GRB2: variants seen among roughly 807,000 people sequenced by gnomAD.
GRB2 encodes growth factor receptor bound protein 2.
Under a neutral mutation model 27.4 loss-of-function variants are expected in GRB2, and 2 were observed. The ratio of observed to expected loss-of-function variants is 0.07; its 90% CI spans 0.03 to 0.23. GRB2 has a LOEUF of 0.23. GRB2 is among the 10% of genes least tolerant of loss of function. The pLI is 1.00. For missense variants in GRB2, 102 were observed against 282.4 expected, an observed-to-expected ratio of 0.36 and a Z score of 4.58; for synonymous variants, 94 against 99.6, an observed-to-expected ratio of 0.94 and a Z score of 0.33.
intron 1 of GRB2, among the ~76,000 whole-genome samples, chr17:75,400,212 C>T (rs148481043): frequency 9.1e-4 from 139 of 152,162 alleles, no homozygotes; most frequent in Middle Eastern, 3.4e-3. Flanking sequence ...CTTGCTCTGT[C>T]ACCCAGGCTG....
intron 2 of GRB2, among the ~76,000 whole-genome samples, chr17:75,355,816 CTTTTTTTTTTTTTTT>C (rs1170570570): frequency 8.6e-6 from 1 of 115,730 alleles, no homozygotes; most frequent in Admixed American, 9.0e-5. Flanking sequence ...TTCCTTTCTT[CTTTTTTTTTTTTTTT>C]TTTTTTTAAA....
intron 2 of GRB2, among the ~76,000 whole-genome samples, chr17:75,385,706 G>C (rs1329462863): frequency 6.6e-6 from 1 of 152,190 alleles, no homozygotes. Flanking sequence ...ATTTGCGTGA[G>C]ATTAAAAGAG....
intron 2 of GRB2, among the ~76,000 whole-genome samples, chr17:75,364,177 G>C (rs1476649970): frequency 6.6e-6 from 1 of 152,062 alleles, no homozygotes; most frequent in Non-Finnish European, 1.5e-5. Flanking sequence ...AGTACGCATA[G>C]CCACCAAGCT....
chr17:75,332,614 C>A (rs1396816621), intron 3 of GRB2, 86 bp downstream of exon 3: 11 of 755,902 alleles, frequency 1.5e-5, no homozygotes, highest in Non-Finnish European at 2.6e-5. Context: ...AGTATGACAT[C>A]CATCCCAGTG....
chr17:75,389,093 C>T (rs956165354), intron 2 of GRB2, among the ~76,000 whole-genome samples: 3 of 152,144 alleles, frequency 2.0e-5, no homozygotes, highest in African/African-American at 7.2e-5. Flanking sequence ...TATACACACA[C>T]ACACAATGCT....
chr17:75,321,818 G>A lies in GRB2; in HGVS notation c.309C>T (p.Asn103=), dbSNP rs141665303. ...GDFSLSVKFG[N]DVQHFKVLRD... ...GGAGCACCTTGAAGTGCTGCACATC[G>A]TTTCCAAACCTGGGAGGGACAGAAA... Residue 103 remains asparagine (N), a synonymous_variant, in exon 5 of 6, where the codon AAC becomes AAT. Coordinates refer to ENST00000316804, the MANE Select transcript of GRB2 (RefSeq NM_002086.5). 4.5e-5 allele frequency: 73 copies of A among 1,613,808 alleles called. No individual in the cohort carries two copies. The African/African-American group carries it at 7.7e-4, about 17-fold the overall frequency.
chr17:75,404,397 C>A (rs1276321849), intron 1 of GRB2, among the ~76,000 whole-genome samples: 1 of 151,660 alleles, frequency 6.6e-6, no homozygotes, highest in Non-Finnish European at 1.5e-5. Flanking sequence ...AGTAAAGGAA[C>A]GAAAGCAAGG....
At chr17:75,404,439 A>C (rs76409794) in intron 1 of GRB2, among the ~76,000 whole-genome samples, 8,119 of 151,884 alleles carry the variant, frequency 0.053, 264 homozygotes, top group Middle Eastern at 0.13. Flanking sequence ...AAAAAGACGG[A>C]ATCTTGAAAT....
At chr17:75,327,073 CTTTT>C (rs66526663) in intron 3 of GRB2, among the ~76,000 whole-genome samples, 1 of 135,826 alleles carries the variant, frequency 7.4e-6, no homozygotes, top group Non-Finnish European at 1.5e-5. Flanking sequence ...CATATCTTTT[CTTTT>C]TTTTTTTTTT....
chr17:75,333,160 C>T (rs537850142), intron 2 of GRB2, among the ~76,000 whole-genome samples: 137 of 152,180 alleles, frequency 9.0e-4, no homozygotes, highest in Middle Eastern at 3.4e-3. Context: ...ACTGCAACCT[C>T]CACCTCCTGG....
At chr17:75,341,447 TAAAAAAA>T (rs61039194) in intron 2 of GRB2, among the ~76,000 whole-genome samples, 3 of 110,272 alleles carry the variant, frequency 2.7e-5, no homozygotes, top group Admixed American at 1.0e-4. Context: ...GTGACTCCAT[TAAAAAAA>T]AAAAAAAAAA....
intron 2 of GRB2, among the ~76,000 whole-genome samples, chr17:75,363,695 T>C (rs1044008918): frequency 6.6e-6 from 1 of 151,038 alleles, no homozygotes; most frequent in Non-Finnish European, 1.5e-5. Flanking sequence ...CCATCTCTAC[T>C]AAAAATACAA....
In GRB2 at chr17:75,337,939, A is replaced by G. The variant is rs868733886; in HGVS notation, c.79-5142T>C. Among the ~76,000 whole-genome samples, 5 of 125,322 alleles carry G rather than the reference A, an allele frequency of 4.0e-5. No individual in the cohort carries two copies. The Admixed American group carries it at 4.1e-4, about 10-fold the overall frequency. 82.2% of individuals were successfully genotyped at this position (125,322 alleles called of 152,430 possible). On this transcript the variant is annotated intron_variant, in intron 2 of 5. Transcript: ENST00000316804. ...TATTATTATTATTATTATTATTATTATTATTTATTGAGACAGAGTCTCACT... is the reference window on the plus strand; with the variant it reads ...TATTATTATTATTATTATTATTATTGTTATTTATTGAGACAGAGTCTCACT...
chr17:75,394,635 A>C (rs1322107829), intron 1 of GRB2, among the ~76,000 whole-genome samples: 1 of 152,204 alleles, frequency 6.6e-6, no homozygotes, highest in East Asian at 1.9e-4. Flanking sequence ...TGAAGTCCTA[A>C]TCTACACTTG....
At chr17:75,339,035 T>C in intron 2 of GRB2, 1 of 1,256,000 alleles carries the variant, frequency 8.0e-7, no homozygotes, top group Non-Finnish European at 1.2e-6. Context: ...GTGCTAAGGC[T>C]TGAGTGCGTT....
rs545619848 is a variant in GRB2 at position 75,321,347 on chromosome 17, T to G, written c.468+312A>C. ...GTGCGCCACCACATCCAGCTAATTT[T>G]TGTATTTTTAGTAGCGACAGGGTTT... is the stretch of plus-strand genomic sequence containing the variant. On this transcript the variant is annotated intron_variant, in intron 5 of 5. Coordinates refer to ENST00000316804, the MANE Select transcript of GRB2 (RefSeq NM_002086.5). 4.5e-4 allele frequency among the ~76,000 whole-genome samples: 68 copies of G among 152,044 alleles called. 1 individual carries two copies. The highest frequency in any genetic ancestry group is 1.6e-3 in the African/African-American group (65 of 41,464).
intron 1 of GRB2, among the ~76,000 whole-genome samples, chr17:75,401,499 C>T (rs575348456): frequency 2.3e-4 from 35 of 150,330 alleles, no homozygotes; most frequent in African/African-American, 7.8e-4. Context: ...TCTCTGCTAG[C>T]GAGATCACAG....
Position 75,398,975 on chromosome 17 carries a change from C to T in GRB2, c.-137-5210G>A, listed in dbSNP as rs147172675. On this transcript the variant is annotated intron_variant, in intron 1 of 5. Coordinates refer to ENST00000316804, the MANE Select transcript of GRB2 (RefSeq NM_002086.5). ...GTTGCCCAGGATGGTCTTGAACTCC[C>T]GACCTCAGGTGATCCGCCCACTTTG... 4.8e-3 allele frequency among the ~76,000 whole-genome samples: 730 copies of T among 151,624 alleles called. 4 individuals are homozygous for T. Among genetic ancestry groups the T allele is most frequent in the African/African-American group, 0.016 (677 of 41,360 alleles).
intron 3 of GRB2, among the ~76,000 whole-genome samples, chr17:75,330,062 C>T (rs1399163663): frequency 1.3e-5 from 2 of 152,188 alleles, no homozygotes; most frequent in East Asian, 1.9e-4. Context: ...CAAGCTCTAA[C>T]AGGCAAATGT....
Sources: allele counts gnomAD v4.1 joint callset (sites outside exome capture counted in the v4.1 genomes callset), GRCh38; gene constraint gnomAD v4.1.1; transcripts MANE v1.5; gene names NCBI Gene and HGNC (gene_info 2026-07-23, HGNC 2026-07-21).